Variants in GPHN observed in about 807,000 individuals in gnomAD.
GPHN encodes gephyrin.
In GPHN, 17 loss-of-function variants were observed where a neutral mutation model predicts 95.5. That is an observed-to-expected ratio of 0.18 (90% confidence interval 0.12 to 0.27). The LOEUF is 0.27. Among genes scored for constraint, GPHN ranks in the 10% least tolerant of loss-of-function variants. GPHN has a pLI of 1.00. For missense variants in GPHN, 660 were observed against 978.1 expected, an observed-to-expected ratio of 0.67 and a Z score of 4.34; for synonymous variants, 320 against 322.5, an observed-to-expected ratio of 0.99 and a Z score of 0.08.
chr14:67,206,268 G>C, the GPHN span, among the ~76,000 whole-genome samples: 4 of 152,134 alleles, frequency 2.6e-5, no homozygotes, highest in Non-Finnish European at 1.5e-5. Context: ...GGAGACCGAG[G>C]CGGGCAGATC....
intron 2 of GPHN, among the ~76,000 whole-genome samples, chr14:66,705,636 A>AT (rs1195042262): frequency 6.6e-6 from 1 of 152,120 alleles, no homozygotes; most frequent in Non-Finnish European, 1.5e-5. Context: ...TAAAAACTCT[A>AT]AATAAACTAT....
intron 4 of GPHN, among the ~76,000 whole-genome samples, chr14:66,841,992 G>A (rs2062110553): frequency 6.6e-6 from 1 of 152,074 alleles, no homozygotes; most frequent in Non-Finnish European, 1.5e-5. Context: ...GGCAAGGTTT[G>A]CAGTGAGCTG....
At chr14:66,935,460 A>AAT (rs1206019100) in intron 8 of GPHN, among the ~76,000 whole-genome samples, 3 of 149,430 alleles carry the variant, frequency 2.0e-5, no homozygotes, top group Admixed American at 1.3e-4. Flanking sequence ...TGTGTGTGTG[A>AAT]ATATATATAT....
chr14:66,916,331 C>T (rs200579966), intron 6 of GPHN, among the ~76,000 whole-genome samples: 15 of 152,214 alleles, frequency 9.9e-5, no homozygotes, highest in Middle Eastern at 3.4e-3. Context: ...CATAAGACAA[C>T]GTCCAGGAAT....
At chr14:67,548,134 G>T in the GPHN span, among the ~76,000 whole-genome samples, 1 of 152,168 alleles carries the variant, frequency 6.6e-6, no homozygotes, top group Admixed American at 6.5e-5. Flanking sequence ...AAGCCACAAA[G>T]GCTATTCAGA....
At chr14:66,534,709 G>A (rs1004610500) in intron 1 of GPHN, among the ~76,000 whole-genome samples, 2 of 152,088 alleles carry the variant, frequency 1.3e-5, no homozygotes, top group African/African-American at 4.8e-5. Flanking sequence ...TCAATATTGT[G>A]TATTGTCAGT....
chr14:67,119,024 G>A (rs2078861446), intron 16 of GPHN, among the ~76,000 whole-genome samples: 1 of 152,154 alleles, frequency 6.6e-6, no homozygotes, highest in Admixed American at 6.5e-5. Context: ...TTTTAAGGTA[G>A]AAGTTATTAA....
At chr14:66,803,726 G>A (rs755733708) in intron 3 of GPHN, among the ~76,000 whole-genome samples, 18 of 151,924 alleles carry the variant, frequency 1.2e-4, no homozygotes, top group Non-Finnish European at 2.4e-4. Flanking sequence ...GCATCAGTTT[G>A]TGGAGGTTTT....
At chr14:66,605,910 G>A (rs1337177393) in intron 1 of GPHN, among the ~76,000 whole-genome samples, 3 of 152,092 alleles carry the variant, frequency 2.0e-5, no homozygotes, top group Non-Finnish European at 2.9e-5. Context: ...ACCTTTGTCA[G>A]ATGCATAGTT....
At chr14:67,398,869 G>A in the GPHN span, among the ~76,000 whole-genome samples, 2 of 152,146 alleles carry the variant, frequency 1.3e-5, no homozygotes, top group Non-Finnish European at 2.9e-5. Context: ...TCCCTGTTTT[G>A]TTTGGCCTTG....
chr14:66,572,355 A>G (rs1190265279), intron 1 of GPHN, among the ~76,000 whole-genome samples: 1 of 152,158 alleles, frequency 6.6e-6, no homozygotes, highest in Non-Finnish European at 1.5e-5. Flanking sequence ...TGGACATTTT[A>G]CCAGAATTTT....
intron 2 of GPHN, among the ~76,000 whole-genome samples, chr14:66,706,400 T>C (rs770659059): frequency 6.6e-6 from 1 of 152,176 alleles, no homozygotes; most frequent in African/African-American, 2.4e-5. Flanking sequence ...TCATGCTACC[T>C]GACTTCAAAC....
chr14:67,694,350 C>T, the GPHN span, among the ~76,000 whole-genome samples: 4 of 151,670 alleles, frequency 2.6e-5, no homozygotes, highest in Non-Finnish European at 4.4e-5. Flanking sequence ...CCTTAACCAG[C>T]AGGAATGAAA....
chr14:67,565,650 C>G, the GPHN span, among the ~76,000 whole-genome samples: 1 of 152,174 alleles, frequency 6.6e-6, no homozygotes, highest in Non-Finnish European at 1.5e-5. Context: ...GACATCCCCT[C>G]CACAGATGCT....
chr14:67,328,317 T>G, the GPHN span, among the ~76,000 whole-genome samples: 1 of 152,248 alleles, frequency 6.6e-6, no homozygotes, highest in Non-Finnish European at 1.5e-5. Context: ...TTGCCCACTT[T>G]TTGATGGGAT....
At chr14:67,223,883 G>C in the GPHN span, 3 of 985,660 alleles carry the variant, frequency 3.0e-6, no homozygotes, top group South Asian at 1.4e-4. Flanking sequence ...GAAAAGCAAA[G>C]ACTGGCTGAA....
the GPHN span, among the ~76,000 whole-genome samples, chr14:67,350,150 T>G: frequency 6.6e-6 from 1 of 152,216 alleles, no homozygotes; most frequent in Non-Finnish European, 1.5e-5. Flanking sequence ...ACCAAAGCCA[T>G]GAAGTTCATG....
the GPHN span, among the ~76,000 whole-genome samples, chr14:67,582,616 C>T: frequency 4.0e-5 from 6 of 151,732 alleles, no homozygotes; most frequent in Non-Finnish European, 7.4e-5. This position sits in a 1 kb window ranked among gnomAD's most constrained non-coding sequence, Gnocchi z 5.0. Flanking sequence ...GCCAGGAGTT[C>T]GTGACCAGCC....
At chr14:67,717,894 T>A in the GPHN span, 1 of 152,284 alleles carries the variant, frequency 6.6e-6, no homozygotes, top group East Asian at 1.9e-4. Context: ...TGAGACCCTG[T>A]CTCTATTTTT....
Sources: gnomAD v4.1 joint callset for allele counts (sites outside exome capture counted in the v4.1 genomes callset) on GRCh38, gnomAD v4.1.1 for gene constraint, Gnocchi (gnomAD v3.1) non-coding constraint, MANE v1.5 for transcripts, NCBI Gene and HGNC (gene_info 2026-07-23, HGNC 2026-07-21) for gene names.